Variants in RBM27 observed in about 807,000 individuals in gnomAD.
The protein encoded by RBM27 is RNA-binding protein 27.
Under a neutral mutation model 135.3 loss-of-function variants are expected in RBM27, and 22 were observed. The ratio of observed to expected loss-of-function variants is 0.16; its 90% CI spans 0.12 to 0.23. The LOEUF is 0.23. Among genes scored for constraint, RBM27 ranks in the 10% least tolerant of loss-of-function variants. The pLI is 1.00. For synonymous variants in RBM27, 481 were observed against 442.4 expected (o/e 1.09, Z -1.10); for missense variants, 1,009 against 1,281.0 (o/e 0.79, Z 3.24).
intron 10 of RBM27, among the ~76,000 whole-genome samples, chr5:146,255,861 CT>C (rs554082895): frequency 1.1e-3 from 163 of 143,214 alleles, no homozygotes; most frequent in Middle Eastern, 3.6e-3. Context: ...TCTTCTTCTT[CT>C]TTTTTTTTTT....
At chr5:146,274,185 T>G (rs191861625) in intron 19 of RBM27, among the ~76,000 whole-genome samples, 1 of 151,136 alleles carries the variant, frequency 6.6e-6, no homozygotes, top group Admixed American at 6.6e-5. Context: ...GTATTAGCAT[T>G]TCTCTATTTT....
chr5:146,223,639 G>A (rs1222231590), intron 3 of RBM27, 112 bp downstream of exon 3: 11 of 1,237,878 alleles, frequency 8.9e-6, no homozygotes, highest in Non-Finnish European at 8.7e-6. Context: ...CAAGTTTCCG[G>A]ATTTTAGGCA....
At position 146,271,544 on chromosome 5, in the gene RBM27, G is replaced by A. The variant is rs748725813; in HGVS notation, c.2858G>A (p.Gly953Glu). The change falls in exon 19 of 21, where the codon GGA becomes GAA. Residue 953 changes from glycine (G) to glutamate (E), a missense_variant. Gly to Glu is a moderately conservative substitution (Grantham distance 98). Transcript: ENST00000265271. ...RGKTMSSQGRGRGRGRGGRGR... is the reference protein window; with the variant it reads ...RGKTMSSQGRERGRGRGGRGR... ...AAGACCATGTCCTCTCAAGGTCGAG[G>A]AAGAGGCCGAGGGCGTGGAGGAAGA... The A allele has an allele frequency of 1.2e-6, 2 of 1,613,822 alleles. No individual in the cohort carries two copies. Among genetic ancestry groups the A allele is most frequent in the Non-Finnish European group, 1.7e-6 (2 of 1,179,814 alleles).
At chr5:146,237,229 C>G in intron 7 of RBM27, 69 bp from the exon 8 acceptor site, 1 of 1,584,652 alleles carries the variant, frequency 6.3e-7, no homozygotes, top group South Asian at 1.1e-5. Flanking sequence ...TGAGCCACTG[C>G]TCCTGGCCTG....
At chr5:146,256,336 TTATATATATTATTTA>T (rs1370470454) in intron 10 of RBM27, among the ~76,000 whole-genome samples, 99 of 146,356 alleles carry the variant, frequency 6.8e-4, no homozygotes, top group Non-Finnish European at 1.2e-3. Flanking sequence ...TATATTATTT[TTATATATATTATTTA>T]TATATATATA....
intron 3 of RBM27, 89 bp from the exon 4 acceptor site, chr5:146,228,856 TC>T: frequency 1.0e-6 from 1 of 960,092 alleles, no homozygotes. Flanking sequence ...CAAGCAGTCT[TC>T]CCACCTGGAC....
At chr5:146,240,023 C>T (rs189602944) in intron 8 of RBM27, among the ~76,000 whole-genome samples, 2 of 152,068 alleles carry the variant, frequency 1.3e-5, no homozygotes, top group African/African-American at 4.8e-5. Flanking sequence ...AAGTTTCTCC[C>T]ACCTGAGCGT....
chr5:146,276,333 C>T (rs1158240308), intron 19 of RBM27, among the ~76,000 whole-genome samples: 1 of 152,172 alleles, frequency 6.6e-6, no homozygotes, highest in Non-Finnish European at 1.5e-5. Context: ...AGCCAGAAGA[C>T]CCTTTGAGTC....
At chr5:146,239,668 T>C (rs1246799447) in intron 8 of RBM27, among the ~76,000 whole-genome samples, 2 of 151,474 alleles carry the variant, frequency 1.3e-5, no homozygotes, top group Non-Finnish European at 2.9e-5. Context: ...TGGGTAGAGA[T>C]GGGGTTTTGT....
At chr5:146,220,988 C>T (rs1344593085) in intron 2 of RBM27, among the ~76,000 whole-genome samples, 2 of 151,654 alleles carry the variant, frequency 1.3e-5, no homozygotes, top group African/African-American at 2.4e-5. Flanking sequence ...GAGGCCGAGG[C>T]GGGTGGATCA....
intron 11 of RBM27, among the ~76,000 whole-genome samples, chr5:146,260,202 G>A (rs1758330546): frequency 1.3e-5 from 2 of 151,912 alleles, no homozygotes; most frequent in Admixed American, 1.3e-4. Flanking sequence ...AGGAAGCTGA[G>A]GCAGGAGAAT....
At chr5:146,283,760 A>G (rs1759466172) in intron 19 of RBM27, among the ~76,000 whole-genome samples, 1 of 152,172 alleles carries the variant, frequency 6.6e-6, no homozygotes, top group Non-Finnish European at 1.5e-5. Flanking sequence ...CTATGCTCCA[A>G]GTGTTTTATG....
At chr5:146,240,245 T>C (rs1252204771) in intron 8 of RBM27, among the ~76,000 whole-genome samples, 6 of 151,934 alleles carry the variant, frequency 3.9e-5, no homozygotes, top group Non-Finnish European at 8.8e-5. Context: ...TTCACCTCTT[T>C]CTAGGCCCAA....
chr5:146,224,891 C>T (rs1756602782), intron 3 of RBM27, among the ~76,000 whole-genome samples: 2 of 151,960 alleles, frequency 1.3e-5, no homozygotes, highest in South Asian at 4.2e-4. Flanking sequence ...TTTAAATATC[C>T]ATATGATTTT....
intron 19 of RBM27, among the ~76,000 whole-genome samples, chr5:146,276,068 G>GT (rs991611491): frequency 8.6e-5 from 13 of 151,044 alleles, no homozygotes; most frequent in Admixed American, 1.3e-4. Flanking sequence ...CACCTGGCTA[G>GT]TTTTTTTTTC....
chr5:146,280,610 CTT>C (rs1759300721), intron 19 of RBM27, among the ~76,000 whole-genome samples: 1 of 152,140 alleles, frequency 6.6e-6, no homozygotes, highest in Non-Finnish European at 1.5e-5. Flanking sequence ...ACCTTGCTTT[CTT>C]TATACAGTCA....
intron 3 of RBM27, among the ~76,000 whole-genome samples, chr5:146,226,712 A>G (rs563738883): frequency 5.1e-4 from 77 of 152,302 alleles, no homozygotes; most frequent in South Asian, 4.8e-3. Context: ...AGTTTTAAAA[A>G]AAAACAAAAC....
intron 8 of RBM27, among the ~76,000 whole-genome samples, chr5:146,246,321 T>C (rs911731649): frequency 6.6e-6 from 1 of 152,204 alleles, no homozygotes; most frequent in African/African-American, 2.4e-5. Context: ...AAAGACTGTC[T>C]TTATTCTGAC....
At chr5:146,257,618 A>G (rs1014803694) in intron 10 of RBM27, among the ~76,000 whole-genome samples, 5 of 152,296 alleles carry the variant, frequency 3.3e-5, no homozygotes, top group Admixed American at 2.0e-4. Context: ...CCTTATATCT[A>G]AGAATAAGAC....
Sources: gnomAD v4.1 joint callset for allele counts (sites outside exome capture counted in the v4.1 genomes callset) on GRCh38, gnomAD v4.1.1 for gene constraint, MANE v1.5 for transcripts, NCBI Gene and HGNC (gene_info 2026-07-23, HGNC 2026-07-21) for gene names.